NLGN4Y: variants seen among roughly 807,000 people sequenced by gnomAD.
NLGN4Y encodes neuroligin-4, Y-linked.
In NLGN4Y, 4 loss-of-function variants were observed where a neutral mutation model predicts 8.4. The observed-to-expected ratio is 0.48, with a 90% CI of 0.23 to 1.09. NLGN4Y has a LOEUF of 1.09. Ranked by LOEUF, NLGN4Y falls within the 50% of genes least tolerant of loss-of-function variation. The probability of loss-of-function intolerance (pLI) is 0.19; values close to 1 mark genes in which losing one functional copy is unlikely to be tolerated. For synonymous variants in NLGN4Y, 35 were observed against 75.6 expected (o/e 0.46, Z 2.78); for missense variants, 90 against 192.3 (o/e 0.47, Z 3.15).
chrY:14,712,969 A>C, intron 2 of NLGN4Y, among the ~76,000 whole-genome samples: 1 of 33,390 alleles, frequency 3.0e-5, no homozygotes, highest in South Asian at 6.8e-4. Context: ...CTCTGTGGCC[A>C]AGTGATAAAA....
At chrY:14,601,085 ATTTTTCTTTTTTTC>A (rs1366312899) in intron 1 of NLGN4Y, among the ~76,000 whole-genome samples, 2 of 29,770 alleles carry the variant, frequency 6.7e-5, no homozygotes, top group Non-Finnish European at 8.0e-5. Flanking sequence ...CTGGAAGGCT[ATTTTTCTTTTTTTC>A]TTTTTCTTTT....
intron 2 of NLGN4Y, among the ~76,000 whole-genome samples, chrY:14,624,476 G>A (rs769160880): frequency 3.0e-5 from 1 of 33,669 alleles, no homozygotes; most frequent in Non-Finnish European, 7.4e-5. Context: ...CAGTGAAAAA[G>A]TAATCCAAAT....
chrY:14,684,207 A>G, intron 2 of NLGN4Y, among the ~76,000 whole-genome samples: 7 of 33,584 alleles, frequency 2.1e-4, no homozygotes, highest in African/African-American at 3.5e-4. Flanking sequence ...GTGGGGCACA[A>G]TTTTGTGTTT....
At position 14,689,246 on chromosome Y, in the gene NLGN4Y, A is replaced by G. The variant is rs1603502732; in HGVS notation, c.473-30213A>G. Among the ~76,000 whole-genome samples the G allele has an allele frequency of 1.2e-4, 4 of 32,156 alleles. No homozygotes were observed. The South Asian group carries it at 2.7e-3, about 22-fold the overall frequency. The allele number at this position is 32,156 out of a possible 37,273, so 86.3% of individuals were successfully genotyped here. A position where few individuals can be genotyped will look rare whatever the true frequency, so the allele number is the denominator to read the frequency against. On this transcript the variant is annotated intron_variant, in intron 2 of 6. Coordinates refer to ENST00000684976, the MANE Select transcript of NLGN4Y (RefSeq NM_001365588.1). ...CAAAAATGTGCATAACCGCATTTTT[A>G]TCTCTTAAGGTCCTCACTTGCAAGT...
chrY:14,645,658 C>T (rs2080608584), intron 2 of NLGN4Y, among the ~76,000 whole-genome samples: 4 of 33,084 alleles, frequency 1.2e-4, no homozygotes, highest in Non-Finnish European at 3.0e-4. Flanking sequence ...TAAATTAAAG[C>T]GTGGGCAAAA....
intron 2 of NLGN4Y, among the ~76,000 whole-genome samples, chrY:14,690,503 GAA>G (rs2080806359): frequency 6.1e-5 from 2 of 32,653 alleles, no homozygotes; most frequent in Admixed American, 5.7e-4. Context: ...TTAGTTTGAT[GAA>G]AAAGTGAACA....
intron 1 of NLGN4Y, 53 bp from the exon 2 acceptor site, chrY:14,621,956 T>C: frequency 5.6e-6 from 1 of 179,647 alleles, no homozygotes; most frequent in Admixed American, 8.8e-5. Flanking sequence ...GCCAGTGTTC[T>C]AGGTGATCAT....
intron 2 of NLGN4Y, among the ~76,000 whole-genome samples, chrY:14,684,244 C>T: frequency 3.0e-5 from 1 of 33,757 alleles, no homozygotes; most frequent in Admixed American, 2.7e-4. Flanking sequence ...GTACTTTCCT[C>T]TTCCCTGCCT....
intron 2 of NLGN4Y, among the ~76,000 whole-genome samples, chrY:14,699,997 C>T: frequency 3.0e-5 from 1 of 33,122 alleles, no homozygotes; most frequent in Admixed American, 2.8e-4. Flanking sequence ...AATGCTAATG[C>T]AAACATAAAT....
At chrY:14,798,520 A>G (rs758687267) in intron 4 of NLGN4Y, 7 of 33,599 alleles carry the variant, frequency 2.1e-4, no homozygotes, top group Admixed American at 1.9e-3. Context: ...TATCTTAACT[A>G]TTATGTTCTT....
At chrY:14,594,657 C>A (rs751895583) in intron 1 of NLGN4Y, among the ~76,000 whole-genome samples, 5 of 33,237 alleles carry the variant, frequency 1.5e-4, no homozygotes, top group African/African-American at 4.7e-4. Flanking sequence ...ATAAACATAT[C>A]TTTTAGAATC....
intron 4 of NLGN4Y, among the ~76,000 whole-genome samples, chrY:14,784,004 T>G: frequency 5.9e-5 from 2 of 34,118 alleles, no homozygotes; most frequent in Non-Finnish European, 1.5e-4. Context: ...ACCTCAGACC[T>G]TGAACACTCT....
At chrY:14,761,770 G>A in intron 4 of NLGN4Y, among the ~76,000 whole-genome samples, 1 of 34,060 alleles carries the variant, frequency 2.9e-5, no homozygotes, top group African/African-American at 1.1e-4. Context: ...CCTGCGCATT[G>A]TAAATGTTCA....
intron 1 of NLGN4Y, among the ~76,000 whole-genome samples, chrY:14,567,495 G>A: frequency 1.7e-4 from 5 of 30,112 alleles, no homozygotes; most frequent in African/African-American, 6.5e-4. Flanking sequence ...CAAAGTGCTC[G>A]GATTACAAGT....
At chrY:14,523,218 CA>C (rs2080079212), upstream of NLGN4Y, among the ~76,000 whole-genome samples, 5 of 32,070 alleles carry the variant, frequency 1.6e-4, no homozygotes, top group East Asian at 3.2e-3. Flanking sequence ...GCAATCTCTC[CA>C]CAGGAACATT....
intron 4 of NLGN4Y, among the ~76,000 whole-genome samples, chrY:14,727,994 C>T (rs890678164): frequency 6.0e-5 from 2 of 33,470 alleles, no homozygotes; most frequent in African/African-American, 1.2e-4. Flanking sequence ...GCTCTGTTTC[C>T]GATCAGTACC....
chrY:14,826,908 G>A (rs2043149532), intron 5 of NLGN4Y, among the ~76,000 whole-genome samples: 1 of 33,057 alleles, frequency 3.0e-5, no homozygotes, highest in Non-Finnish European at 7.4e-5. Flanking sequence ...GAGAGACCCT[G>A]TCTAAACATA....
At chrY:14,560,763 A>C in intron 1 of NLGN4Y, among the ~76,000 whole-genome samples, 1 of 33,499 alleles carries the variant, frequency 3.0e-5, no homozygotes, top group Non-Finnish European at 7.4e-5. Flanking sequence ...TTATCCCTTG[A>C]CTTTCTCTGG....
chrY:14,700,820 C>A (rs2080845607), intron 2 of NLGN4Y, among the ~76,000 whole-genome samples: 1 of 33,251 alleles, frequency 3.0e-5, no homozygotes, highest in Non-Finnish European at 7.4e-5. Context: ...TCAAATACTG[C>A]AGTTCAATAC....
Sources: allele counts gnomAD v4.1 joint callset (sites outside exome capture counted in the v4.1 genomes callset), GRCh38; gene constraint gnomAD v4.1.1; transcripts MANE v1.5; gene names NCBI Gene and HGNC (gene_info 2026-07-23, HGNC 2026-07-21).